Variants in HEPHL1 observed in about 807,000 individuals in gnomAD.
HEPHL1 encodes hephaestin like 1.
Under a neutral mutation model 122.0 loss-of-function variants are expected in HEPHL1, and 123 were observed. The observed-to-expected ratio is 1.01, with a 90% confidence interval of 0.87 to 1.17. The LOEUF (loss-of-function observed/expected upper bound fraction) is 1.17. Ranked by LOEUF, HEPHL1 falls within the 50% of genes most tolerant of loss-of-function variation. The pLI is 0.00. For missense variants in HEPHL1, 1,452 were observed against 1,430.5 expected (o/e 1.01, Z -0.24); for synonymous variants, 527 against 508.9 (o/e 1.04, Z -0.48).
At chr11:94,104,795 T>C in intron 16 of HEPHL1, 45 bp downstream of exon 16, 6 of 1,410,386 alleles carry the variant, frequency 4.3e-6, no homozygotes, top group Non-Finnish European at 5.9e-6. Context: ...GATAAGCTCA[T>C]AGGAATTCCT....
At chr11:94,085,317 T>C (rs1368519502) in intron 10 of HEPHL1, among the ~76,000 whole-genome samples, 1 of 152,174 alleles carries the variant, frequency 6.6e-6, no homozygotes. Flanking sequence ...ATCTAACTAA[T>C]CATTATTTAT....
At chr11:94,095,870 G>T (rs1747020143) in intron 13 of HEPHL1, among the ~76,000 whole-genome samples, 1 of 152,168 alleles carries the variant, frequency 6.6e-6, no homozygotes, top group Non-Finnish European at 1.5e-5. Context: ...CATTGATTTT[G>T]TATCCTGAGA....
intron 1 of HEPHL1, among the ~76,000 whole-genome samples, chr11:94,027,474 T>C (rs1400402168): frequency 6.6e-6 from 1 of 152,200 alleles, no homozygotes; most frequent in Non-Finnish European, 1.5e-5. Flanking sequence ...AGACCTTGGC[T>C]GGTCACATTT....
chr11:94,053,696 G>T (rs1294199936), intron 2 of HEPHL1, among the ~76,000 whole-genome samples: 1 of 151,828 alleles, frequency 6.6e-6, no homozygotes, highest in African/African-American at 2.4e-5. Context: ...TTTCCCTTGT[G>T]ATTTCTTCTT....
rs965560991 is a variant in HEPHL1, at chr11:94,058,949, G to A, written c.416-4559G>A. Among the ~76,000 whole-genome samples the A allele has an allele frequency of 1.8e-4, 27 of 152,142 alleles. 1 individual carries two copies. Among genetic ancestry groups the A allele is most frequent in the Admixed American group, 4.6e-4 (7 of 15,266 alleles). On this transcript the variant is annotated intron_variant, in intron 2 of 19. Transcript: ENST00000315765. ...GATTCTTTACATATTCACTAAATTA[G>A]TTCAAAATAGAAAATTAAAGTGCCA...
At chr11:94,060,092 TTATATATATATATATATA>T (rs1164147552) in intron 2 of HEPHL1, among the ~76,000 whole-genome samples, 18 of 2,596 alleles carry the variant, frequency 6.9e-3, no homozygotes, top group Admixed American at 7.1e-3. Context: ...TCATATTTTA[TTATATATATATATATATA>T]TATATATATA....
chr11:94,088,566 C>T (rs1036807584), intron 11 of HEPHL1, among the ~76,000 whole-genome samples, 189 bp from the exon 12 acceptor site: 2 of 152,120 alleles, frequency 1.3e-5, no homozygotes, highest in Non-Finnish European at 2.9e-5. Context: ...TCTTTCTCTC[C>T]ACAGAAGTAA....
At chr11:94,069,908 A>C (rs2460068) in intron 5 of HEPHL1, among the ~76,000 whole-genome samples, 140,798 of 152,172 alleles carry the variant, frequency 0.93, 66,114 homozygotes, top group East Asian at 1. Context: ...ATTCTTCTAC[A>C]CGAAGTGTAT....
chr11:94,082,739 T>G (rs921388658), intron 10 of HEPHL1, among the ~76,000 whole-genome samples, 171 bp downstream of exon 10: 2 of 152,198 alleles, frequency 1.3e-5, no homozygotes, highest in Non-Finnish European at 2.9e-5. Context: ...CCTCCCTATC[T>G]CTCAGAGATG....
chr11:94,092,876 C>T (rs1003191595), intron 12 of HEPHL1, among the ~76,000 whole-genome samples: 2 of 152,116 alleles, frequency 1.3e-5, no homozygotes, highest in African/African-American at 4.8e-5. Context: ...TCCCTAGGAA[C>T]AATGGTTCAG....
rs199720861 is a variant in HEPHL1, at chr11:94,045,759, C to T, written c.257C>T (p.Thr86Ile). 4.2e-5 allele frequency: 67 copies of T among 1,613,782 alleles called. No homozygotes were observed. The highest frequency in any genetic ancestry group is 4.5e-5 in the East Asian group (2 of 44,894). ...GTTTACAGACGCTTCACGGATGGAACCTACTCCATAGAGATCCCCAAACCT... is the reference window on the plus strand; with the variant it reads ...GTTTACAGACGCTTCACGGATGGAATCTACTCCATAGAGATCCCCAAACCT... ...KAVYRRFTDGTYSIEIPKPPW... is the reference protein window; with the variant it reads ...KAVYRRFTDGIYSIEIPKPPW... Residue 86 changes from threonine (T) to isoleucine (I), a missense_variant, in exon 2 of 20, where the codon ACC becomes ATC. Coordinates refer to ENST00000315765, the MANE Select transcript of HEPHL1 (RefSeq NM_001098672.2).
chr11:94,066,863 G>A (rs577062984), intron 4 of HEPHL1, among the ~76,000 whole-genome samples: 11 of 152,188 alleles, frequency 7.2e-5, no homozygotes, highest in East Asian at 3.9e-4. Flanking sequence ...TAAAGTATTC[G>A]GTCCTGGATT....
At chr11:94,040,198 A>G (rs1233023472) in intron 1 of HEPHL1, among the ~76,000 whole-genome samples, 1 of 69,320 alleles carries the variant, frequency 1.4e-5, no homozygotes, top group African/African-American at 6.8e-5. Context: ...TGAATAGACC[A>G]ATAACAGGAG....
intron 2 of HEPHL1, among the ~76,000 whole-genome samples, chr11:94,061,172 T>C (rs567611891): frequency 1.3e-5 from 2 of 152,232 alleles, no homozygotes; most frequent in East Asian, 3.9e-4. Context: ...AGAGGAGAGC[T>C]AATGATCCCT....
At chr11:94,101,372 G>A in intron 14 of HEPHL1, 37 bp downstream of exon 14, 1 of 1,587,744 alleles carries the variant, frequency 6.3e-7, no homozygotes, top group Non-Finnish European at 8.6e-7. Flanking sequence ...TCTTGAAGAA[G>A]AACATTGGCG....
chr11:94,076,254 A>C lies in HEPHL1; in HGVS notation c.1716+869A>C, dbSNP rs1482035335. ...GTTTATGCTGTGCCTCAACAAGCAC[A>C]CAAGGCAAAGCGGAATGATTATTCA... On this transcript the variant is annotated intron_variant, in intron 9 of 19. Transcript: ENST00000315765. 3.3e-5 allele frequency among the ~76,000 whole-genome samples: 5 copies of C among 152,290 alleles called. 1 individual carries two copies. The East Asian group carries it at 5.8e-4, about 18-fold the overall frequency.
At position 94,060,795 on chromosome 11, in the gene HEPHL1, C is replaced by A. The variant is rs139401269; in HGVS notation, c.416-2713C>A. ...TAAACACATTTGACCTTCATCCCAACACTGATGGGAAGCAATGAAATGATT... is the reference window on the plus strand; with the variant it reads ...TAAACACATTTGACCTTCATCCCAAAACTGATGGGAAGCAATGAAATGATT... On this transcript the variant is annotated intron_variant, in intron 2 of 19. Transcript: ENST00000315765. Among the ~76,000 whole-genome samples, 1,351 of 152,268 alleles carry A rather than the reference C, an allele frequency of 8.9e-3. 18 individuals are homozygous for A. Among genetic ancestry groups the A allele is most frequent in the African/African-American group, 0.031 (1,283 of 41,540 alleles).
At chr11:94,107,249 C>T (rs16919942) in intron 17 of HEPHL1, among the ~76,000 whole-genome samples, 16,772 of 152,132 alleles carry the variant, frequency 0.11, 966 homozygotes, top group Admixed American at 0.14. Flanking sequence ...ACGTTGTTTA[C>T]GACACCAAGT....
At position 94,068,617 on chromosome 11, in the gene HEPHL1, T is replaced by A. The variant is rs139618534; in HGVS notation, c.1063+867T>A. Among the ~76,000 whole-genome samples the A allele has an allele frequency of 9.5e-3, 1,439 of 151,968 alleles. 7 individuals are homozygous for A. Among genetic ancestry groups the A allele is most frequent in the Non-Finnish European group, 0.017 (1,132 of 67,972 alleles). ...AGGCCCCTTAGCAAAGCTAAGGAGGTGGGGCTGTGTGATCCTTAGCTCTTT... is the reference window on the plus strand; with the variant it reads ...AGGCCCCTTAGCAAAGCTAAGGAGGAGGGGCTGTGTGATCCTTAGCTCTTT... On this transcript the variant is annotated intron_variant, in intron 5 of 19. Coordinates refer to ENST00000315765, the MANE Select transcript of HEPHL1 (RefSeq NM_001098672.2).
Sources: gnomAD v4.1 joint callset for allele counts (sites outside exome capture counted in the v4.1 genomes callset) on GRCh38, gnomAD v4.1.1 for gene constraint, MANE v1.5 for transcripts, NCBI Gene and HGNC (gene_info 2026-07-23, HGNC 2026-07-21) for gene names.